The following NECTIN3 variants were observed in gnomAD, a reference collection of about 807,000 sequenced individuals.
NECTIN3 encodes nectin cell adhesion molecule 3.
NECTIN3 carries 8 observed loss-of-function variants against 49.4 expected under a neutral mutation model. That is an observed-to-expected ratio of 0.16 (90% CI 0.10 to 0.29). The LOEUF is 0.29. Among genes scored for constraint, NECTIN3 ranks in the 10% least tolerant of loss-of-function variants. The pLI, the probability that NECTIN3 is intolerant of heterozygous loss-of-function variation, is 1.00. For synonymous variants in NECTIN3, 277 were observed against 241.1 expected (o/e 1.15, Z -1.38); for missense variants, 581 against 654.6 (o/e 0.89, Z 1.23).
intron 7 of NECTIN3, among the ~76,000 whole-genome samples, chr3:111,187,327 C>T (rs1325690463): frequency 6.6e-6 from 1 of 152,136 alleles, no homozygotes; most frequent in African/African-American, 2.4e-5. Context: ...CGCTTGAACT[C>T]AGGCGTTTGA....
At chr3:111,083,088 C>T (rs2031721548) in intron 1 of NECTIN3, among the ~76,000 whole-genome samples, 1 of 152,150 alleles carries the variant, frequency 6.6e-6, no homozygotes, top group Non-Finnish European at 1.5e-5. Flanking sequence ...GATGAAGCTT[C>T]ACTTGCTTGC....
intron 7 of NECTIN3, among the ~76,000 whole-genome samples, chr3:111,160,042 A>G (rs1276763261): frequency 2.6e-5 from 4 of 152,192 alleles, no homozygotes; most frequent in Non-Finnish European, 4.4e-5. Flanking sequence ...TATATAATGT[A>G]GTTTATCTCC....
In NECTIN3 at chr3:111,137,477, T is replaced by C. The variant is rs148287274; in HGVS notation, c.*3262T>C. The C allele has an allele frequency of 1.0e-6, 1 of 965,690 alleles. No individual in the cohort carries two copies. Among genetic ancestry groups the C allele is most frequent in the African/African-American group, 2.0e-5 (1 of 48,892 alleles). 59.8% of individuals were successfully genotyped at this position (965,690 alleles called of 1,614,324 possible). A position where few individuals can be genotyped will look rare whatever the true frequency, so the allele number is the denominator to read the frequency against. On this transcript the variant is annotated 3_prime_UTR_variant, in exon 6 of 6. Coordinates refer to ENST00000485303, the MANE Select transcript of NECTIN3 (RefSeq NM_015480.3). ...TTTGTTTTGTTTTGTTTTTTCTTTT[T>C]TAACCAACCTGTGTATTAGGTGTTA...
At chr3:111,100,282 T>C (rs538967492) in intron 1 of NECTIN3, among the ~76,000 whole-genome samples, 1 of 152,282 alleles carries the variant, frequency 6.6e-6, no homozygotes, top group Non-Finnish European at 1.5e-5. Flanking sequence ...CGCCAGTTCC[T>C]TACATTGTCA....
chr3:111,159,258 A>G (rs1228169881), intron 7 of NECTIN3, among the ~76,000 whole-genome samples: 1 of 152,156 alleles, frequency 6.6e-6, no homozygotes, highest in African/African-American at 2.4e-5. Context: ...TTATAAGTCC[A>G]AACACCAATA....
At chr3:111,084,574 T>C (rs1217116275) in intron 1 of NECTIN3, among the ~76,000 whole-genome samples, 2 of 152,044 alleles carry the variant, frequency 1.3e-5, no homozygotes, top group African/African-American at 4.8e-5. Flanking sequence ...AAATGTGATG[T>C]GATAGGGTGT....
chr3:111,171,826 A>G (rs2035438927), intron 7 of NECTIN3, among the ~76,000 whole-genome samples: 1 of 152,146 alleles, frequency 6.6e-6, no homozygotes, highest in African/African-American at 2.4e-5. Flanking sequence ...AATTCACTTC[A>G]TTATCCAACT....
At chr3:111,119,010 T>C (rs552051095) in intron 3 of NECTIN3, 58 bp downstream of exon 3, 1 of 1,376,874 alleles carries the variant, frequency 7.3e-7, no homozygotes, top group Non-Finnish European at 9.8e-7. Flanking sequence ...ATCAAACTAT[T>C]TTTAGTTTGA....
chr3:111,092,906 A>C (rs1475838386), intron 1 of NECTIN3, among the ~76,000 whole-genome samples: 1 of 152,242 alleles, frequency 6.6e-6, no homozygotes, highest in Non-Finnish European at 1.5e-5. Context: ...GATTATTGCC[A>C]TTTTAACAGT....
chr3:111,127,355 T>A (rs1247980344), intron 5 of NECTIN3, among the ~76,000 whole-genome samples: 1 of 152,236 alleles, frequency 6.6e-6, no homozygotes, highest in East Asian at 1.9e-4. Flanking sequence ...TATGCTCATT[T>A]CTTTGCTTAT....
Position 111,133,686 on chromosome 3 carries a change from C to A in NECTIN3, c.1121C>A (p.Thr374Asn). ...CCTACAATTCAGTGGCATCCCTCAA[C>A]TGCTGACATCGAGGATCTAGCAACA... ...LQPTIQWHPS[T>N]ADIEDLATEP... Residue 374 changes from threonine (T) to asparagine (N), a missense_variant, in exon 6 of 6, where the codon ACT becomes AAT. Thr to Asn is a moderately conservative substitution (Grantham distance 65). This residue lies in a region of NECTIN3 where 238 missense variants were observed against 244.9 expected (regional missense o/e 0.97). Transcript: ENST00000485303. 6.2e-7 allele frequency: 1 copy of A among 1,613,902 alleles called. No homozygotes were observed. The highest frequency in any genetic ancestry group is 2.2e-5 in the East Asian group (1 of 44,884).
intron 7 of NECTIN3, among the ~76,000 whole-genome samples, chr3:111,186,566 C>T (rs2035723522): frequency 6.6e-6 from 1 of 152,120 alleles, no homozygotes; most frequent in South Asian, 2.1e-4. Context: ...CAACTCCTAC[C>T]TATTGGATAC....
chr3:111,122,177 G>A lies in NECTIN3; in HGVS notation c.856G>A (p.Gly286Ser), dbSNP rs753352009. 15 of 1,613,516 alleles carry A rather than the reference G, an allele frequency of 9.3e-6. No individual in the cohort carries two copies. Among genetic ancestry groups the A allele is most frequent in the Admixed American group, 1.7e-5 (1 of 59,976 alleles). Residue 286 changes from glycine (G) to serine (S), a missense_variant, in exon 4 of 6, where the codon GGT becomes AGT. Gly to Ser is a moderately conservative substitution (Grantham distance 56). Transcript: ENST00000485303. ...YDGNWFVGRK[G>S]VNLKCNADAN... is the part of the protein sequence containing the mutation. ...TGGAAATTGGTTTGTAGGAAGAAAA[G>A]GTGTTAATCTCAAATGTAATGCTGA...
intron 7 of NECTIN3, among the ~76,000 whole-genome samples, chr3:111,179,862 G>A (rs2035596294): frequency 6.7e-6 from 1 of 148,698 alleles, no homozygotes; most frequent in South Asian, 2.1e-4. Flanking sequence ...CTGCACTCCA[G>A]CCTGGGTGAC....
upstream of NECTIN3, chr3:111,192,219 T>C: frequency 1.3e-6 from 1 of 743,076 alleles, no homozygotes; most frequent in Non-Finnish European, 2.2e-6. Flanking sequence ...CTTACTCTCA[T>C]GTGGAACATT....
intron 1 of NECTIN3, among the ~76,000 whole-genome samples, chr3:111,082,038 T>C (rs777059131): frequency 1.4e-4 from 22 of 152,164 alleles, no homozygotes; most frequent in Non-Finnish European, 3.1e-4. Flanking sequence ...GAAAGAGGAT[T>C]ACAGAGATAA....
intron 4 of NECTIN3, among the ~76,000 whole-genome samples, chr3:111,123,666 C>G (rs1159395190): frequency 6.6e-6 from 1 of 152,048 alleles, no homozygotes; most frequent in African/African-American, 2.4e-5. Flanking sequence ...TGCTCTTGGC[C>G]TCCTTCTAGT....
chr3:111,118,248 CTATATA>C (rs34878535), intron 2 of NECTIN3, among the ~76,000 whole-genome samples: 1,084 of 78,000 alleles, frequency 0.014, 24 homozygotes, highest in Middle Eastern at 0.04. Flanking sequence ...TAAAATGAAG[CTATATA>C]TATATATATA....
upstream of NECTIN3, among the ~76,000 whole-genome samples, chr3:111,188,239 A>T (rs1290353931): frequency 6.6e-6 from 1 of 152,216 alleles, no homozygotes; most frequent in African/African-American, 2.4e-5. Context: ...ATCTTGTCAG[A>T]GTTTATATAG....
Sources: gnomAD v4.1 joint callset for allele counts (sites outside exome capture counted in the v4.1 genomes callset) on GRCh38, gnomAD v4.1.1 for gene constraint, gnomAD v4.1.1 regional missense constraint, MANE v1.5 for transcripts, NCBI Gene and HGNC (gene_info 2026-07-23, HGNC 2026-07-21) for gene names.